Variants in FANK1 observed in about 807,000 individuals in gnomAD.
FANK1 encodes fibronectin type III and ankyrin repeat domains 1.
FANK1 carries 44 observed loss-of-function variants against 45.3 expected under a neutral mutation model. The ratio of observed to expected loss-of-function variants is 0.97; its 90% CI spans 0.76 to 1.25. FANK1 has a LOEUF of 1.25. FANK1 is among the 50% of genes most tolerant of loss of function. The pLI is 0.00. For synonymous variants in FANK1, 149 were observed against 152.5 expected (o/e 0.98, Z 0.17); for missense variants, 391 against 424.4 (o/e 0.92, Z 0.69).
intron 1 of FANK1, among the ~76,000 whole-genome samples, chr10:125,927,023 C>G (rs1240508429): frequency 6.6e-6 from 1 of 152,224 alleles, no homozygotes; most frequent in Non-Finnish European, 1.5e-5. Context: ...GCTGCTCTTA[C>G]CTCCTCTCGA....
At chr10:125,931,769 A>G (rs1166866350) in intron 1 of FANK1, among the ~76,000 whole-genome samples, 1 of 152,178 alleles carries the variant, frequency 6.6e-6, no homozygotes, top group East Asian at 1.9e-4. Context: ...GTTCTTGGTC[A>G]TGAAATCCTT....
At chr10:125,904,684 T>C (rs1000631622) in intron 1 of FANK1, among the ~76,000 whole-genome samples, 7 of 151,664 alleles carry the variant, frequency 4.6e-5, no homozygotes, top group Non-Finnish European at 1.0e-4. Flanking sequence ...CTTAGTGTGC[T>C]GTTTTTAAAA....
At position 125,996,703 on chromosome 10, in the gene FANK1, A is replaced by G. The variant is rs911865919; in HGVS notation, c.473+79A>G. The stretch of plus-strand genomic sequence containing the variant: ...TTCAAAGGCTCTGGTCAGGATAAGG[A>G]TGGGAGGAAAAAGGGCCATGGAGGA... On this transcript the variant is annotated intron_variant, in intron 5 of 10. Coordinates refer to ENST00000368693, the MANE Select transcript of FANK1 (RefSeq NM_145235.5). The G allele has an allele frequency of 4.9e-6, 7 of 1,435,064 alleles. No homozygotes were observed. In the African/African-American group the frequency reaches 1.0e-4, roughly 21 times the overall value. The allele number at this position is 1,435,064 out of a possible 1,614,324, so 88.9% of individuals were successfully genotyped here. A position where few individuals can be genotyped will look rare whatever the true frequency, so the allele number is the denominator to read the frequency against.
intron 1 of FANK1, among the ~76,000 whole-genome samples, chr10:125,974,537 C>G (rs1300833050): frequency 6.6e-6 from 1 of 152,156 alleles, no homozygotes. Flanking sequence ...ACAAAACTAA[C>G]ATAGAACAAT....
At chr10:125,897,169 G>T (rs5788746) in intron 1 of FANK1, among the ~76,000 whole-genome samples, 2 of 7,192 alleles carry the variant, frequency 2.8e-4, no homozygotes, top group Non-Finnish European at 8.5e-4. Context: ...AGAGAGAAAA[G>T]AAGAGCTTTG....
chr10:125,930,298 T>C (rs1391907374), intron 1 of FANK1, among the ~76,000 whole-genome samples: 1 of 151,954 alleles, frequency 6.6e-6, no homozygotes, highest in African/African-American at 2.4e-5. Context: ...CCTCTCAAAG[T>C]GCTGAGATTA....
chr10:125,954,758 A>T (rs536570191), intron 1 of FANK1, among the ~76,000 whole-genome samples: 5 of 152,066 alleles, frequency 3.3e-5, no homozygotes, highest in Non-Finnish European at 7.4e-5. Context: ...TGCCTCTACT[A>T]AAAATATAAA....
rs192038892 is a variant in FANK1, at chr10:125,898,172, C to T, written c.13+1517C>T. ...GCTGCACTCCAGCCTGGTGACAGAGCGAGACTCCATCTCGAAAAAACAAAA... is the reference window on the plus strand; with the variant it reads ...GCTGCACTCCAGCCTGGTGACAGAGTGAGACTCCATCTCGAAAAAACAAAA... On this transcript the variant is annotated intron_variant, in intron 1 of 10. Coordinates refer to ENST00000368693, the MANE Select transcript of FANK1 (RefSeq NM_145235.5). Among the ~76,000 whole-genome samples the T allele has an allele frequency of 9.7e-4, 148 of 151,858 alleles. 1 individual carries two copies. Among genetic ancestry groups the T allele is most frequent in the African/African-American group, 3.3e-3 (137 of 41,406 alleles).
At chr10:125,950,988 C>T (rs1179234463) in intron 1 of FANK1, among the ~76,000 whole-genome samples, 1 of 148,470 alleles carries the variant, frequency 6.7e-6, no homozygotes, top group African/African-American at 2.5e-5. Flanking sequence ...TAAACTATCG[C>T]AAGAACAAAA....
At chr10:125,910,008 A>G (rs1564859084) in intron 1 of FANK1, among the ~76,000 whole-genome samples, 1 of 152,060 alleles carries the variant, frequency 6.6e-6, no homozygotes, top group Non-Finnish European at 1.5e-5. Flanking sequence ...AATTATCACA[A>G]TGTAAATGAA....
chr10:125,897,825 T>G (rs1341915363), intron 1 of FANK1, among the ~76,000 whole-genome samples: 1 of 151,940 alleles, frequency 6.6e-6, no homozygotes, highest in Non-Finnish European at 1.5e-5. Flanking sequence ...CTGTGTATAT[T>G]CCCGCCTTAG....
At chr10:125,988,803 CA>C in intron 3 of FANK1, 128 bp downstream of exon 3, 1 of 1,429,530 alleles carries the variant, frequency 7.0e-7, no homozygotes, top group South Asian at 1.2e-5. Flanking sequence ...TTAAACACTG[CA>C]ATAATATTTG....
Position 125,988,647 on chromosome 10 carries a change from CA to C in FANK1, c.289del (p.Ser97AlafsTer13), listed in dbSNP as rs1564949866. On this transcript the variant is annotated frameshift_variant, in exon 3 of 11. Transcript: ENST00000368693. LOFTEE classifies it high-confidence loss of function. ...VTSPSGECEY[S>X]PLVSVSTTRE... The stretch of plus-strand genomic sequence containing the variant: ...CCAGCCCCTCTGGGGAGTGTGAGTA[CA>C]GCCCACTCGTCTCAGTGTCTACAAC... The C allele has an allele frequency of 6.2e-7, 1 of 1,614,218 alleles. No homozygotes were observed. The highest frequency in any genetic ancestry group is 2.2e-5 in the East Asian group (1 of 44,882).
At chr10:125,985,180 A>T (rs1951472668) in intron 2 of FANK1, among the ~76,000 whole-genome samples, 1 of 152,170 alleles carries the variant, frequency 6.6e-6, no homozygotes, top group African/African-American at 2.4e-5. Context: ...ACTGAATTTT[A>T]TTGGGAGCAC....
intron 1 of FANK1, among the ~76,000 whole-genome samples, chr10:125,931,042 T>C (rs1005467178): frequency 6.6e-6 from 1 of 152,242 alleles, no homozygotes; most frequent in Non-Finnish European, 1.5e-5. Flanking sequence ...CAAGTGCTGT[T>C]AATTTACTCC....
rs1003621199 is a variant in FANK1, at chr10:125,971,605, A to C, written c.14-8556A>C. ...TTTAAGGAAATCTGGAGAACGAACT[A>C]ATAGTAGATTTTTCACCCTGGTCTA... is the stretch of plus-strand genomic sequence containing the variant. On this transcript the variant is annotated intron_variant, in intron 1 of 10. Transcript: ENST00000368693. Among the ~76,000 whole-genome samples the C allele has an allele frequency of 1.8e-4, 28 of 152,038 alleles. 2 individuals carry two copies.
chr10:125,958,147 C>G (rs576922459), intron 1 of FANK1, among the ~76,000 whole-genome samples: 106 of 152,166 alleles, frequency 7.0e-4, no homozygotes, highest in Middle Eastern at 3.4e-3. Context: ...GAACTAATTC[C>G]TCCTATCTAG....
chr10:125,905,886 G>A (rs558173873), intron 1 of FANK1, among the ~76,000 whole-genome samples: 16 of 152,408 alleles, frequency 1.0e-4, no homozygotes, highest in Non-Finnish European at 1.8e-4. Context: ...TCAGGAATGA[G>A]CATTCCCAAG....
chr10:125,999,724 G>A (rs1017261519), intron 6 of FANK1, among the ~76,000 whole-genome samples: 3 of 152,106 alleles, frequency 2.0e-5, no homozygotes, highest in Non-Finnish European at 4.4e-5. Context: ...TCAGTTTCAT[G>A]TCTGTAAAAT....
Sources: allele counts gnomAD v4.1 joint callset (sites outside exome capture counted in the v4.1 genomes callset), GRCh38; gene constraint gnomAD v4.1.1; transcripts MANE v1.5; gene names NCBI Gene and HGNC (gene_info 2026-07-23, HGNC 2026-07-21).